Variants in VBP1 observed in about 807,000 individuals in gnomAD.
VBP1 encodes the protein prefoldin subunit 3.
Under a neutral mutation model 15.5 loss-of-function variants are expected in VBP1, and 4 were observed. The ratio of observed to expected loss-of-function variants is 0.26; its 90% confidence interval spans 0.13 to 0.59. The LOEUF (loss-of-function observed/expected upper bound fraction) is 0.59. Ranked by LOEUF, VBP1 falls within the 20% of genes least tolerant of loss-of-function variation. The probability of loss-of-function intolerance (pLI) is 0.90; values close to 1 mark genes in which losing one functional copy is unlikely to be tolerated. For synonymous variants in VBP1, 61 were observed against 52.1 expected (o/e 1.17, Z -0.74); for missense variants, 108 against 139.6 (o/e 0.77, Z 1.14).
At chrX:155,233,237 G>T (rs908079087) in intron 4 of VBP1, among the ~76,000 whole-genome samples, 30 of 111,395 alleles carry the variant, frequency 2.7e-4, no homozygotes, top group African/African-American at 9.8e-4. Context: ...CTCTGGGGGA[G>T]AATTAGATTT....
Position 155,216,515 on chromosome X carries a change from A to C in VBP1, c.33A>C (p.Gly11=). The part of the protein sequence containing the change: MAAVKDSCGK[G]EMATGNGRRL... Reference sequence around the variant, plus strand: ...CCGTTAAGGACAGTTGTGGCAAAGGAGAAATGGCCACAGGGAATGGGCGGC... The same window carrying C: ...CCGTTAAGGACAGTTGTGGCAAAGGCGAAATGGCCACAGGGAATGGGCGGC... The change falls in exon 1 of 6, where the codon GGA becomes GGC. Residue 11 remains glycine (G), a synonymous_variant. Transcript: ENST00000286428. 8.5e-7 allele frequency: 1 copy of C among 1,171,037 alleles called. No individual in the cohort carries two copies. Among genetic ancestry groups the C allele is most frequent in the Non-Finnish European group, 1.1e-6 (1 of 874,431 alleles).
intron 1 of VBP1, among the ~76,000 whole-genome samples, chrX:155,200,546 GT>G (rs1255655517): frequency 9.0e-6 from 1 of 110,522 alleles, no homozygotes; most frequent in East Asian, 2.8e-4. Context: ...AAATAAAGAT[GT>G]TCTTTAAAAC....
chrX:155,213,484 T>C (rs957131660), upstream of VBP1: 24 of 114,842 alleles, frequency 2.1e-4, no homozygotes, highest in Admixed American at 2.2e-3. Flanking sequence ...CAAATTTAAG[T>C]CAACTCTTGG....
In VBP1 at chrX:155,236,213, G is replaced by A; in HGVS notation, c.385-16G>A. 8.3e-7 allele frequency: 1 copy of A among 1,202,892 alleles called. No homozygotes were observed. The stretch of plus-strand genomic sequence containing the variant: ...TGTGTAAATATTGAGTAATTGTCAT[G>A]ACTTTCTCTCTTCAGGCTAATGTAA... On this transcript the variant is annotated splice_polypyrimidine_tract_variant and intron_variant, in intron 4 of 5. Transcript: ENST00000286428.
At chrX:155,232,096 T>C (rs1031851147) in intron 4 of VBP1, among the ~76,000 whole-genome samples, 5 of 111,654 alleles carry the variant, frequency 4.5e-5, no homozygotes, top group Non-Finnish European at 9.4e-5. Flanking sequence ...CATTTTTAGA[T>C]TTTTGCTAGT....
At chrX:155,236,078 G>C (rs1411089047) in intron 4 of VBP1, 151 bp from the exon 5 acceptor site, 1 of 600,464 alleles carries the variant, frequency 1.7e-6, no homozygotes, top group East Asian at 3.7e-5. Flanking sequence ...GAAAGCCTGA[G>C]TAGAGAATAG....
chrX:155,199,704 C>T (rs1350033302), intron 1 of VBP1, among the ~76,000 whole-genome samples: 2 of 111,585 alleles, frequency 1.8e-5, no homozygotes, highest in African/African-American at 6.5e-5. Flanking sequence ...CATCAACTAA[C>T]GAGCAAAATA....
chrX:155,227,226 T>C lies in VBP1; in HGVS notation c.219-9T>C. The C allele has an allele frequency of 8.4e-7, 1 of 1,186,869 alleles. No homozygotes were observed. The highest frequency in any genetic ancestry group is 1.1e-6 in the Non-Finnish European group (1 of 883,074). On this transcript the variant is annotated splice_polypyrimidine_tract_variant and intron_variant, in intron 2 of 5. Coordinates refer to ENST00000286428, the MANE Select transcript of VBP1 (RefSeq NM_003372.7). The stretch of plus-strand genomic sequence containing the variant: ...CAAAATACTAAGTTACTCTTTTTCT[T>C]GTTCACAGGCTAAAAGGTCAGATTC...
intron 1 of VBP1, among the ~76,000 whole-genome samples, chrX:155,219,691 G>A (rs1449703560): frequency 9.0e-6 from 1 of 111,325 alleles, no homozygotes; most frequent in Admixed American, 9.5e-5. Context: ...ATAAAGTGGT[G>A]GGCAAGGTCA....
chrX:155,236,198 T>A, intron 4 of VBP1, 31 bp from the exon 5 acceptor site: 1 of 1,196,781 alleles, frequency 8.4e-7, no homozygotes. Flanking sequence ...TGTGTAAATA[T>A]TGAGTAATTG....
chrX:155,206,515 T>A (rs781793148), intron 1 of VBP1, among the ~76,000 whole-genome samples: 77 of 111,407 alleles, frequency 6.9e-4, no homozygotes, highest in Non-Finnish European at 1.1e-3. Context: ...ATTACAGGTG[T>A]AAGCCACTGT....
intron 1 of VBP1, among the ~76,000 whole-genome samples, chrX:155,216,808 ACGAGGGG>A (rs1370606311): frequency 6.3e-5 from 7 of 111,733 alleles, no homozygotes; most frequent in African/African-American, 2.0e-4. Context: ...CGGGGCCGGG[ACGAGGGG>A]CGAGGGGCGA....
chrX:155,210,516 A>G (rs1435733981), intron 2 of VBP1, among the ~76,000 whole-genome samples: 1 of 111,617 alleles, frequency 9.0e-6, no homozygotes, highest in African/African-American at 3.3e-5. Flanking sequence ...GAGTGCCCTC[A>G]GTAGCCACAG....
intron 2 of VBP1, among the ~76,000 whole-genome samples, chrX:155,226,446 A>T (rs1557310274): frequency 1.8e-5 from 2 of 111,773 alleles, no homozygotes; most frequent in African/African-American, 6.5e-5. Context: ...TAAATCAGTG[A>T]TCCATTTATA....
At chrX:155,223,241 C>T (rs112513213) in intron 2 of VBP1, among the ~76,000 whole-genome samples, 30,040 of 93,045 alleles carry the variant, frequency 0.32, 4,221 homozygotes, top group African/African-American at 0.48. Flanking sequence ...GGGTGTTTCT[C>T]GGAGAGGGGG....
rs2074787304 is a variant in VBP1 at position 155,239,062 on chromosome X, C to A, written c.*220C>A. On this transcript the variant is annotated 3_prime_UTR_variant, in exon 6 of 6. Coordinates refer to ENST00000286428, the MANE Select transcript of VBP1 (RefSeq NM_003372.7). Reference sequence around the variant, plus strand: ...TCAGCAAAGCTAATGGTATTTTAATCATTATTTTTGCCTGTCATAAGAAAA... The same window carrying A: ...TCAGCAAAGCTAATGGTATTTTAATAATTATTTTTGCCTGTCATAAGAAAA... 1 of 288,069 alleles carries A rather than the reference C, an allele frequency of 3.5e-6. No homozygotes were observed. Among genetic ancestry groups the A allele is most frequent in the Admixed American group, 6.3e-5 (1 of 15,833 alleles). The allele number at this position is 288,069 out of a possible 1,213,427, so 23.7% of individuals were successfully genotyped here. A position where few individuals can be genotyped will look rare whatever the true frequency, so the allele number is the denominator to read the frequency against.
chrX:155,204,431 G>A (rs1268982845), intron 1 of VBP1, among the ~76,000 whole-genome samples: 2 of 111,964 alleles, frequency 1.8e-5, no homozygotes, highest in South Asian at 3.7e-4. Flanking sequence ...AGAATTACAG[G>A]TGTGAGGCAC....
chrX:155,220,542 G>A (rs1218624334), intron 2 of VBP1, among the ~76,000 whole-genome samples: 5 of 111,584 alleles, frequency 4.5e-5, no homozygotes, highest in Non-Finnish European at 9.4e-5. Context: ...TAGAATGGTT[G>A]TTAAAGACTG....
Position 155,238,769 on chromosome X carries a change from C to T in VBP1, c.524-3C>T. 8.4e-7 allele frequency: 1 copy of T among 1,196,643 alleles called. No homozygotes were observed. The highest frequency in any genetic ancestry group is 1.8e-5 in the African/African-American group (1 of 56,977). On this transcript the variant is annotated splice_polypyrimidine_tract_variant and splice_region_variant and intron_variant, in intron 5 of 5. Transcript: ENST00000286428. ...TTTGCATTTTCTTTGACAATTCTTG[C>T]AGATATGGCCAGGGTTTATAATTGG...
Sources: allele counts gnomAD v4.1 joint callset (sites outside exome capture counted in the v4.1 genomes callset), GRCh38; gene constraint gnomAD v4.1.1; transcripts MANE v1.5; gene names NCBI Gene and HGNC (gene_info 2026-07-23, HGNC 2026-07-21).